The following SNRPD1 variants were observed in gnomAD, a reference collection of about 807,000 sequenced individuals.
SNRPD1 encodes the protein small nuclear ribonucleoprotein D1 polypeptide, also known as small nuclear ribonucleoprotein Sm D1.
A neutral mutation model predicts 14.4 loss-of-function variants in SNRPD1; 1 was observed. The ratio of observed to expected loss-of-function variants is 0.07; its 90% CI spans 0.02 to 0.33. SNRPD1 has a LOEUF of 0.33. Among genes scored for constraint, SNRPD1 ranks in the 10% least tolerant of loss-of-function variants. The probability of loss-of-function intolerance (pLI) is 1.00; values close to 1 mark genes in which losing one functional copy is unlikely to be tolerated. For missense variants in SNRPD1, 52 were observed against 146.4 expected, an observed-to-expected ratio of 0.36 and a Z score of 3.33; for synonymous variants, 42 against 50.3, an observed-to-expected ratio of 0.83 and a Z score of 0.70.
chr18:21,619,889 A>G (rs2038985362), intron 1 of SNRPD1, among the ~76,000 whole-genome samples: 1 of 152,146 alleles, frequency 6.6e-6, no homozygotes, highest in African/African-American at 2.4e-5. Context: ...GGCTCTAGCG[A>G]TCCTCCCACC....
chr18:21,630,960 C>G lies in SNRPD1; in HGVS notation c.*1822C>G, dbSNP rs2039079125. The stretch of plus-strand genomic sequence containing the variant: ...AGTATCTTACCTCATCAAGTAAATT[C>G]AAATGCTTTTTGATTTTTCCACAGT... On this transcript the variant is annotated 3_prime_UTR_variant, in exon 4 of 4. Coordinates refer to ENST00000300413, the MANE Select transcript of SNRPD1 (RefSeq NM_006938.4). The G allele has an allele frequency of 6.6e-6, 1 of 150,622 alleles. No homozygotes were observed. Among genetic ancestry groups the G allele is most frequent in the East Asian group, 1.9e-4 (1 of 5,148 alleles). The allele number at this position is 150,622 out of a possible 1,614,324, so 9.3% of individuals were successfully genotyped here.
Position 21,629,256 on chromosome 18 carries a change from CAA to C in SNRPD1, c.*120_*121del, listed in dbSNP as rs375770836. 83 of 764,298 alleles carry C rather than the reference CAA, an allele frequency of 1.1e-4. No homozygotes were observed. Among genetic ancestry groups the C allele is most frequent in the East Asian group, 7.4e-4 (30 of 40,436 alleles). 47.3% of individuals were successfully genotyped at this position (764,298 alleles called of 1,614,324 possible). A position where few individuals can be genotyped will look rare whatever the true frequency, so the allele number is the denominator to read the frequency against. On this transcript the variant is annotated 3_prime_UTR_variant, in exon 4 of 4. Transcript: ENST00000300413. The stretch of plus-strand genomic sequence containing the variant: ...GGACAGAGCTGTCTATTTAGTATAT[CAA>C]AGTTTTAGTAGTTTCCTCCACATTC...
At chr18:21,622,410 A>G (rs1000894303) in intron 1 of SNRPD1, among the ~76,000 whole-genome samples, 5 of 152,036 alleles carry the variant, frequency 3.3e-5, no homozygotes, top group South Asian at 2.1e-4. Flanking sequence ...AAACTGCTGG[A>G]ATTATAGGCG....
intron 3 of SNRPD1, among the ~76,000 whole-genome samples, chr18:21,624,662 G>C (rs2039022660): frequency 6.7e-6 from 1 of 150,132 alleles, no homozygotes; most frequent in Non-Finnish European, 1.5e-5. Flanking sequence ...CTGCACTCCA[G>C]CCTGGGCTAC....
rs1303772378 is a variant in SNRPD1 at position 21,632,214 on chromosome 18, A to G, written c.*3076A>G. On this transcript the variant is annotated 3_prime_UTR_variant, in exon 4 of 4. Transcript: ENST00000300413. ...GGTGGCTCATGCCTGTGACCTCAGC[A>G]CTTTGGGAGGCCGAGATGGGCGAAT... is the stretch of plus-strand genomic sequence containing the variant. 1.3e-5 allele frequency: 2 copies of G among 152,102 alleles called. No individual in the cohort carries two copies. Among genetic ancestry groups the G allele is most frequent in the Non-Finnish European group, 2.9e-5 (2 of 68,022 alleles). The allele number at this position is 152,102 out of a possible 1,614,324, so 9.4% of individuals were successfully genotyped here.
chr18:21,619,053 A>T (rs1187338761), intron 1 of SNRPD1, among the ~76,000 whole-genome samples: 4 of 152,188 alleles, frequency 2.6e-5, no homozygotes, highest in African/African-American at 9.7e-5. Context: ...TGTGTATTGT[A>T]TGATAGTGTG....
chr18:21,613,520 C>T (rs1445062174), intron 1 of SNRPD1, among the ~76,000 whole-genome samples: 5 of 152,070 alleles, frequency 3.3e-5, no homozygotes, highest in Non-Finnish European at 7.3e-5. Flanking sequence ...TCTGAAGTAA[C>T]GTTTGTTTGA....
chr18:21,620,788 TA>T (rs1302855702), intron 1 of SNRPD1, among the ~76,000 whole-genome samples: 2 of 151,748 alleles, frequency 1.3e-5, no homozygotes, highest in African/African-American at 4.8e-5. Context: ...CAGTAGAAAA[TA>T]AAAGAAAAAC....
chr18:21,625,628 T>G (rs2146261378), intron 3 of SNRPD1, among the ~76,000 whole-genome samples: 1 of 151,880 alleles, frequency 6.6e-6, no homozygotes, highest in Admixed American at 6.6e-5. Flanking sequence ...AATCTTTTTT[T>G]GAGATGGACT....
chr18:21,627,996 G>A (rs980588409), intron 3 of SNRPD1, among the ~76,000 whole-genome samples: 5 of 152,070 alleles, frequency 3.3e-5, no homozygotes, highest in African/African-American at 7.2e-5. Context: ...GTAAGAGTAC[G>A]GGCCAGTTAT....
rs1257803837 is a variant in SNRPD1, at chr18:21,630,992, T to A, written c.*1854T>A. 2 of 151,382 alleles carry A rather than the reference T, an allele frequency of 1.3e-5. No individual in the cohort carries two copies. Among genetic ancestry groups the A allele is most frequent in the African/African-American group, 2.4e-5 (1 of 41,324 alleles). 9.4% of individuals were successfully genotyped at this position (151,382 alleles called of 1,614,324 possible). On this transcript the variant is annotated 3_prime_UTR_variant, in exon 4 of 4. Coordinates refer to ENST00000300413, the MANE Select transcript of SNRPD1 (RefSeq NM_006938.4). ...TTTTTGATTTTTCCACAGTTGATAA[T>A]TTTTTTTTGTAAGTCATTGAAGTTA...
rs2039067843 is a variant in SNRPD1, at chr18:21,629,841, C to T, written c.*703C>T. On this transcript the variant is annotated 3_prime_UTR_variant, in exon 4 of 4. Transcript: ENST00000300413. ...ACTGAATATGCATTTTATTGCTTTA[C>T]TCTTCATTCTGTGGCACCTACCCAC... is the stretch of plus-strand genomic sequence containing the variant. 6.6e-6 allele frequency: 1 copy of T among 152,168 alleles called. No homozygotes were observed. Among genetic ancestry groups the T allele is most frequent in the Non-Finnish European group, 1.5e-5 (1 of 68,052 alleles). 9.4% of individuals were successfully genotyped at this position (152,168 alleles called of 1,614,324 possible).
chr18:21,612,380 T>C lies in SNRPD1; in HGVS notation c.-50T>C. The C allele has an allele frequency of 6.7e-7, 1 of 1,497,222 alleles. No homozygotes were observed. Among genetic ancestry groups the C allele is most frequent in the Non-Finnish European group, 9.0e-7 (1 of 1,105,522 alleles). The allele number at this position is 1,497,222 out of a possible 1,614,324, so 92.7% of individuals were successfully genotyped here. A position where few individuals can be genotyped will look rare whatever the true frequency, so the allele number is the denominator to read the frequency against. On this transcript the variant is annotated 5_prime_UTR_variant, in exon 1 of 4. Coordinates refer to ENST00000300413, the MANE Select transcript of SNRPD1 (RefSeq NM_006938.4). ...CATACTGCAGTCGGTCAGTGTTCGGTTGAAGGATTCTGTGTGCTGTCGGAC... is the reference window on the plus strand; with the variant it reads ...CATACTGCAGTCGGTCAGTGTTCGGCTGAAGGATTCTGTGTGCTGTCGGAC...
At chr18:21,613,403 G>A (rs921223488) in intron 1 of SNRPD1, among the ~76,000 whole-genome samples, 3 of 152,098 alleles carry the variant, frequency 2.0e-5, no homozygotes, top group Non-Finnish European at 2.9e-5. Context: ...AATAGTTATT[G>A]GGCACCTGTT....
In SNRPD1 at chr18:21,632,456, CA is replaced by C. The variant is rs58014159; in HGVS notation, c.*3334del. On this transcript the variant is annotated 3_prime_UTR_variant, in exon 4 of 4. Transcript: ENST00000300413. ...CCTGAGTGACAGAGCGAGACTGTTT[CA>C]AAAAAAAAAAAAAAATTTGTTTTGA... 8,826 of 122,234 alleles carry C rather than the reference CA, an allele frequency of 0.072. 534 individuals carry two copies. Among genetic ancestry groups the C allele is most frequent in the African/African-American group, 0.19 (6,451 of 34,734 alleles). 7.6% of individuals were successfully genotyped at this position (122,234 alleles called of 1,614,324 possible).
At chr18:21,612,843 C>G (rs1362024612) in intron 1 of SNRPD1, among the ~76,000 whole-genome samples, 17 of 152,170 alleles carry the variant, frequency 1.1e-4, no homozygotes, top group Admixed American at 1.1e-3. Flanking sequence ...TATTTTAAAT[C>G]AGAGAAGGAC....
chr18:21,623,595 A>T (rs1237962306), intron 2 of SNRPD1, among the ~76,000 whole-genome samples, 153 bp from the exon 3 acceptor site: 1 of 152,212 alleles, frequency 6.6e-6, no homozygotes, highest in African/African-American at 2.4e-5. Flanking sequence ...CCCATTTACC[A>T]GTTGCACATG....
At chr18:21,621,583 T>A (rs1337924723) in intron 1 of SNRPD1, among the ~76,000 whole-genome samples, 1 of 152,002 alleles carries the variant, frequency 6.6e-6, no homozygotes, top group Non-Finnish European at 1.5e-5. Flanking sequence ...TTTTATTTTT[T>A]TTTAATTTTT....
intron 2 of SNRPD1, among the ~76,000 whole-genome samples, chr18:21,623,211 C>T (rs1450846866): frequency 2.6e-5 from 4 of 152,304 alleles, no homozygotes; most frequent in East Asian, 3.9e-4. Context: ...CCTGCCTCAG[C>T]CTCCCAAGTA....
Sources: allele counts gnomAD v4.1 joint callset (sites outside exome capture counted in the v4.1 genomes callset), GRCh38; gene constraint gnomAD v4.1.1; transcripts MANE v1.5; gene names NCBI Gene and HGNC (gene_info 2026-07-23, HGNC 2026-07-21).